The following ANGPTL1 variants were observed in gnomAD, a reference collection of about 807,000 sequenced individuals.
The protein encoded by ANGPTL1 is angiopoietin-related protein 1.
ANGPTL1 carries 36 observed loss-of-function variants against 46.7 expected under a neutral mutation model. The observed-to-expected ratio is 0.77, with a 90% CI of 0.59 to 1.02. ANGPTL1 has a LOEUF of 1.02. Ranked by LOEUF, ANGPTL1 falls within the 50% of genes least tolerant of loss-of-function variation. The probability of loss-of-function intolerance (pLI) is 0.00; values close to 1 mark genes in which losing one functional copy is unlikely to be tolerated. For missense variants in ANGPTL1, 571 were observed against 594.7 expected, an observed-to-expected ratio of 0.96 and a Z score of 0.41; for synonymous variants, 221 against 204.3, an observed-to-expected ratio of 1.08 and a Z score of -0.69.
chr1:178,867,764 T>G (rs938060955), intron 2 of ANGPTL1, among the ~76,000 whole-genome samples: 9 of 151,782 alleles, frequency 5.9e-5, no homozygotes, highest in Non-Finnish European at 1.2e-4. Context: ...TCTTTCCTTC[T>G]GTATGTATTC....
In ANGPTL1 at chr1:178,852,748, T is replaced by C; in HGVS notation, c.1223A>G (p.Asp408Gly). 1 of 1,613,956 alleles carries C rather than the reference T, an allele frequency of 6.2e-7. No homozygotes were observed. The highest frequency in any genetic ancestry group is 8.5e-7 in the Non-Finnish European group (1 of 1,179,876). The change falls in exon 5 of 6, where the codon GAT becomes GGT. Residue 408 changes from aspartate to glycine, a missense_variant. Transcript: ENST00000234816. Reference sequence around the variant, plus strand: ...TTTACCATTATGCCACATCATAGAATCCCCTGCATTTCCCTGGTAAGTTCC... The same window carrying C: ...TTTACCATTATGCCACATCATAGAACCCCCTGCATTTCCCTGGTAAGTTCC... ...RLGTYQGNAG[D>G]SMMWHNGKQF...
chr1:178,853,127 T>TTTTG, intron 4 of ANGPTL1, 174 bp from the exon 5 acceptor site: 2 of 985,348 alleles, frequency 2.0e-6, no homozygotes, highest in African/African-American at 1.7e-5. Context: ...GTCATTCTCT[T>TTTTG]TTTGTTTGTT....
rs995237392 is a variant in ANGPTL1, at chr1:178,871,069, A to G, written c.-465T>C. 2.0e-5 allele frequency: 3 copies of G among 152,156 alleles called. No individual in the cohort carries two copies. Among genetic ancestry groups the G allele is most frequent in the South Asian group, 2.1e-4 (1 of 4,840 alleles). 9.4% of individuals were successfully genotyped at this position (152,156 alleles called of 1,614,324 possible). A position where few individuals can be genotyped will look rare whatever the true frequency, so the allele number is the denominator to read the frequency against. On this transcript the variant is annotated 5_prime_UTR_variant, in exon 1 of 6. Transcript: ENST00000234816. ...ACCAGCTGCAGCTGACCCAGATTGT[A>G]TATACAGTACCCCTGAATAGTGATT...
intron 3 of ANGPTL1, among the ~76,000 whole-genome samples, chr1:178,861,028 G>C (rs1472282342): frequency 7.2e-5 from 11 of 152,150 alleles, no homozygotes. Flanking sequence ...ATTAGAATTT[G>C]AAAAGGATAT....
chr1:178,860,046 C>A (rs1657890884), intron 3 of ANGPTL1, among the ~76,000 whole-genome samples: 1 of 152,020 alleles, frequency 6.6e-6, no homozygotes, highest in Admixed American at 6.6e-5. Flanking sequence ...GGCAACTGGA[C>A]CCCAGAAAGC....
rs1211260846 is a variant in ANGPTL1 at position 178,851,234 on chromosome 1, T to A, written c.1371A>T (p.Gly457=). 1.2e-6 allele frequency: 2 copies of A among 1,614,034 alleles called. No homozygotes were observed. Among genetic ancestry groups the A allele is most frequent in the African/African-American group, 2.7e-5 (2 of 75,054 alleles). The change falls in exon 6 of 6, where the codon GGA becomes GGT. Residue 457 remains glycine (G), a synonymous_variant. Transcript: ENST00000234816. The stretch of plus-strand genomic sequence containing the variant: ...CTTGGTGCTTGCTTCTGTAATGGCC[T>A]CCTCTGTACCATACTCCATTTAGGT... The part of the protein sequence containing the change: ...HSNLNGVWYR[G]GHYRSKHQDG...
At chr1:178,858,894 C>T (rs144932839) in intron 3 of ANGPTL1, among the ~76,000 whole-genome samples, 1 of 152,026 alleles carries the variant, frequency 6.6e-6, no homozygotes, top group Non-Finnish European at 1.5e-5. Context: ...AAAGAGAATC[C>T]TTTTTATGAC....
At chr1:178,855,109 A>G (rs998953401) in intron 3 of ANGPTL1, among the ~76,000 whole-genome samples, 3 of 152,092 alleles carry the variant, frequency 2.0e-5, no homozygotes, top group African/African-American at 7.2e-5. Flanking sequence ...TCTGTACTAT[A>G]AGGATAATAG....
At position 178,864,982 on chromosome 1, in the gene ANGPTL1, C is replaced by T; in HGVS notation, c.795G>A (p.Lys265=). 2 of 1,465,996 alleles carry T rather than the reference C, an allele frequency of 1.4e-6. No homozygotes were observed. Among genetic ancestry groups the T allele is most frequent in the Non-Finnish European group, 1.8e-6 (2 of 1,108,446 alleles). The allele number at this position is 1,465,996 out of a possible 1,614,324, so 90.8% of individuals were successfully genotyped here. ...CATTGATGAAAGTTACCGGTGGTAT[C>T]TTGAAAGGGCTTTTGGTGGGAGAAG... is the stretch of plus-strand genomic sequence containing the variant. The part of the protein sequence containing the change: ...LATSPTKSPF[K]IPPVTFINEG... Residue 265 remains lysine (K), a synonymous_variant, in exon 3 of 6, where the codon AAG becomes AAA. Coordinates refer to ENST00000234816, the MANE Select transcript of ANGPTL1 (RefSeq NM_004673.4).
Position 178,865,813 on chromosome 1 carries a change from A to G in ANGPTL1, c.-26-11T>C, listed in dbSNP as rs1658368151. The G allele has an allele frequency of 6.8e-7, 1 of 1,479,308 alleles. No individual in the cohort carries two copies. The highest frequency in any genetic ancestry group is 9.1e-7 in the Non-Finnish European group (1 of 1,102,036). 91.6% of individuals were successfully genotyped at this position (1,479,308 alleles called of 1,614,324 possible). On this transcript the variant is annotated splice_polypyrimidine_tract_variant and intron_variant, in intron 2 of 5. Coordinates refer to ENST00000234816, the MANE Select transcript of ANGPTL1 (RefSeq NM_004673.4). ...GTTGTAAAATGATGTCTTTTGAAAA[A>G]CAAATCAGTGAAGGAGAAAAAGCAA...
intron 3 of ANGPTL1, among the ~76,000 whole-genome samples, chr1:178,854,903 G>A (rs1447134215): frequency 2.0e-5 from 3 of 151,984 alleles, no homozygotes; most frequent in Non-Finnish European, 4.4e-5. Context: ...CACATTTTTG[G>A]ATCAGGTGAA....
intron 3 of ANGPTL1, among the ~76,000 whole-genome samples, chr1:178,856,425 T>TTTTTTTTTTTTTTTTTTTTTTC (rs1558152837): frequency 7.9e-6 from 1 of 126,510 alleles, no homozygotes; most frequent in East Asian, 2.3e-4. Context: ...TTTTTTTTTT[T>TTTTTTTTTTTTTTTTTTTTTTC]TGAGAGATGA....
chr1:178,860,163 T>TAG (rs1190453587), intron 3 of ANGPTL1, among the ~76,000 whole-genome samples: 2 of 151,718 alleles, frequency 1.3e-5, no homozygotes, highest in African/African-American at 4.9e-5. Flanking sequence ...TTTTTATAAA[T>TAG]ACGCTATTTG....
chr1:178,857,298 C>T (rs973851699), intron 3 of ANGPTL1, among the ~76,000 whole-genome samples: 2 of 152,156 alleles, frequency 1.3e-5, no homozygotes, highest in Non-Finnish European at 2.9e-5. Context: ...AGATATGAAA[C>T]TATGTGATTC....
chr1:178,859,210 C>T (rs1190613645), intron 3 of ANGPTL1, among the ~76,000 whole-genome samples: 1 of 151,988 alleles, frequency 6.6e-6, no homozygotes, highest in Non-Finnish European at 1.5e-5. Flanking sequence ...TCCAACAGCA[C>T]CTTGGCTTAA....
At chr1:178,862,634 G>GATTTATTTAT (rs1466813784) in intron 3 of ANGPTL1, among the ~76,000 whole-genome samples, 6 of 125,858 alleles carry the variant, frequency 4.8e-5, no homozygotes, top group South Asian at 2.8e-4. Context: ...TATTTATTTG[G>GATTTATTTAT]TTGGTTGGTT....
rs1025203833 is a variant in ANGPTL1 at position 178,853,716 on chromosome 1, C to T, written c.895G>A (p.Glu299Lys). Residue 299 changes from glutamate to lysine, a missense_variant, in exon 4 of 6, where the codon GAA (glutamate) becomes AAA (lysine). Glu to Lys is a moderately conservative substitution (Grantham distance 56, BLOSUM62 1). Coordinates refer to ENST00000234816, the MANE Select transcript of ANGPTL1 (RefSeq NM_004673.4). ...SVSGIYMIKP[E>K]NSNGPMQLWC... ...AACTGCATTGGTCCATTGCTGTTTT[C>T]AGGTTTAATCATATAAATCCCACTG... is the stretch of plus-strand genomic sequence containing the variant. 1.9e-6 allele frequency: 3 copies of T among 1,611,366 alleles called. No individual in the cohort carries two copies. Among genetic ancestry groups the T allele is most frequent in the Non-Finnish European group, 2.5e-6 (3 of 1,178,776 alleles).
At position 178,865,467 on chromosome 1, in the gene ANGPTL1, G is replaced by T. The variant is rs1313237570; in HGVS notation, c.310C>A (p.Leu104Met). 6.2e-7 allele frequency: 1 copy of T among 1,613,896 alleles called. No homozygotes were observed. Among genetic ancestry groups the T allele is most frequent in the Non-Finnish European group, 8.5e-7 (1 of 1,179,994 alleles). The change falls in exon 3 of 6, where the codon CTG becomes ATG. Residue 104 changes from leucine (L) to methionine (M), a missense_variant. Transcript: ENST00000234816. ...ATGTTTCCATCTACATCCACCACCA[G>T]TTGCAGAACATCTATCTCCCGCTTC... ...RQKREIDVLQ[L>M]VVDVDGNIVN...
At chr1:178,856,031 C>T (rs12131301) in intron 3 of ANGPTL1, among the ~76,000 whole-genome samples, 1 of 147,950 alleles carries the variant, frequency 6.8e-6, no homozygotes, top group Non-Finnish European at 1.5e-5. Flanking sequence ...TATAAAAATT[C>T]TGATTGTCAA....
Sources: allele counts gnomAD v4.1 joint callset (sites outside exome capture counted in the v4.1 genomes callset), GRCh38; gene constraint gnomAD v4.1.1; transcripts MANE v1.5; gene names NCBI Gene and HGNC (gene_info 2026-07-23, HGNC 2026-07-21).